TEC: variants seen among roughly 807,000 people sequenced by gnomAD.
The protein encoded by TEC is tec protein tyrosine kinase.
Under a neutral mutation model 93.0 loss-of-function variants are expected in TEC, and 72 were observed. The ratio of observed to expected loss-of-function variants is 0.77; its 90% CI spans 0.64 to 0.94. The LOEUF is 0.94. Among genes scored for constraint, TEC ranks in the 40% least tolerant of loss-of-function variants. The probability of loss-of-function intolerance (pLI) is 0.00; values close to 1 mark genes in which losing one functional copy is unlikely to be tolerated. For missense variants in TEC, 630 were observed against 757.9 expected (o/e 0.83, Z 1.98); for synonymous variants, 249 against 247.7 (o/e 1.01, Z -0.05).
intron 14 of TEC, among the ~76,000 whole-genome samples, chr4:48,141,869 G>A (rs1319712581): frequency 6.6e-6 from 1 of 151,758 alleles, no homozygotes; most frequent in Non-Finnish European, 1.5e-5. Context: ...TTGTTGGCCA[G>A]GCTGGTCTTG....
At chr4:48,166,698 CA>C (rs985629307) in intron 7 of TEC, among the ~76,000 whole-genome samples, 116 of 147,318 alleles carry the variant, frequency 7.9e-4, no homozygotes, top group African/African-American at 2.4e-3. Flanking sequence ...ATTTCTACAA[CA>C]AAAAAAAATT....
Position 48,137,297 on chromosome 4 carries a change from T to TACA in TEC, c.*118_*119insTGT, listed in dbSNP as rs1719465764. 1.4e-6 allele frequency: 1 copy of TACA among 740,412 alleles called. No homozygotes were observed. Among genetic ancestry groups the TACA allele is most frequent in the African/African-American group, 1.8e-5 (1 of 56,110 alleles). 45.9% of individuals were successfully genotyped at this position (740,412 alleles called of 1,614,324 possible). ...GGCTGGTCTAGAAGCAAATTATTTATGTGTTTCCACTGTATAAGTAAAATG... is the reference window on the plus strand; with the variant it reads ...GGCTGGTCTAGAAGCAAATTATTTATACAGTGTTTCCACTGTATAAGTAAAATG... On this transcript the variant is annotated 3_prime_UTR_variant, in exon 18 of 18. Coordinates refer to ENST00000381501, the MANE Select transcript of TEC (RefSeq NM_003215.3).
rs200768164 is a variant in TEC at position 48,208,952 on chromosome 4, G to A, written c.138+19525C>T. ...GGGTGCCTTCCAAGTTAGATAGGCT[G>A]GGTTTGAATTCAATTATCCCACCGT... is the stretch of plus-strand genomic sequence containing the variant. On this transcript the variant is annotated intron_variant, in intron 2 of 17. Coordinates refer to ENST00000381501, the MANE Select transcript of TEC (RefSeq NM_003215.3). Among the ~76,000 whole-genome samples the A allele has an allele frequency of 9.2e-5, 14 of 152,270 alleles. No homozygotes were observed. In the East Asian group the frequency reaches 2.3e-3, roughly 25 times the overall value.
At chr4:48,256,458 T>C (rs1724347728) in intron 1 of TEC, among the ~76,000 whole-genome samples, 1 of 151,128 alleles carries the variant, frequency 6.6e-6, no homozygotes, top group Non-Finnish European at 1.5e-5. Flanking sequence ...CCAGGAGTGA[T>C]GGTGCCTGCC....
intron 1 of TEC, among the ~76,000 whole-genome samples, chr4:48,240,977 C>G (rs752581685): frequency 1.3e-5 from 2 of 151,808 alleles, no homozygotes; most frequent in Non-Finnish European, 2.9e-5. Flanking sequence ...CTGTTAAAAA[C>G]ACTAATTTGA....
In TEC at chr4:48,228,649, A is replaced by G; in HGVS notation, c.-35T>C. ...CTGATTACTCCTCCTGCCACTGAAGATCCCAGTATTCTACAGTGAAAAAAG... is the reference window on the plus strand; with the variant it reads ...CTGATTACTCCTCCTGCCACTGAAGGTCCCAGTATTCTACAGTGAAAAAAG... On this transcript the variant is annotated 5_prime_UTR_variant, in exon 2 of 18. Transcript: ENST00000381501. The G allele has an allele frequency of 6.2e-7, 1 of 1,601,030 alleles. No homozygotes were observed. The highest frequency in any genetic ancestry group is 1.4e-5 in the African/African-American group (1 of 74,058).
chr4:48,187,140 G>A (rs1053214208), intron 2 of TEC, among the ~76,000 whole-genome samples: 1 of 151,474 alleles, frequency 6.6e-6, no homozygotes, highest in African/African-American at 2.4e-5. Context: ...CCCCCAACCC[G>A]GTGCTCTCTG....
chr4:48,143,421 T>G (rs1214389043), intron 14 of TEC, among the ~76,000 whole-genome samples: 1 of 152,236 alleles, frequency 6.6e-6, no homozygotes, highest in Non-Finnish European at 1.5e-5. Flanking sequence ...TAGTTCTTAG[T>G]TCACAAGTTT....
intron 1 of TEC, among the ~76,000 whole-genome samples, chr4:48,250,807 CCCAG>C (rs1255170975): frequency 2.0e-5 from 3 of 152,174 alleles, no homozygotes; most frequent in African/African-American, 7.2e-5. Flanking sequence ...CATGGGCAAG[CCCAG>C]TTAAGATCAA....
chr4:48,197,229 A>G (rs541690563), intron 2 of TEC, among the ~76,000 whole-genome samples: 1 of 152,358 alleles, frequency 6.6e-6, no homozygotes, highest in Admixed American at 6.5e-5. Flanking sequence ...ACAATGGTTC[A>G]GAGCTCTGGG....
At chr4:48,179,338 G>GTATATATATATATATATA (rs61241595) in intron 2 of TEC, among the ~76,000 whole-genome samples, 1 of 51,660 alleles carries the variant, frequency 1.9e-5, no homozygotes, top group African/African-American at 9.5e-5. Flanking sequence ...GACGTGGGTA[G>GTATATATATATATATATA]TATATATATA....
In TEC at chr4:48,139,036, C is replaced by T; in HGVS notation, c.1536-14G>A. On this transcript the variant is annotated splice_polypyrimidine_tract_variant and intron_variant, in intron 15 of 17. Transcript: ENST00000381501. ...TCCAGAACATACCTAGAGTAAGACA[C>T]ACCATGGGTTTACACCTCTGAAGAA... is the stretch of plus-strand genomic sequence containing the variant. 1.3e-6 allele frequency: 2 copies of T among 1,596,530 alleles called. No individual in the cohort carries two copies. Among genetic ancestry groups the T allele is most frequent in the Middle Eastern group, 1.7e-4 (1 of 6,026 alleles).
intron 15 of TEC, 37 bp downstream of exon 15, chr4:48,141,318 G>T: frequency 6.3e-7 from 1 of 1,580,634 alleles, no homozygotes; most frequent in Non-Finnish European, 8.7e-7. Context: ...CCAAAAAAAT[G>T]CAAACATCAC....
intron 2 of TEC, among the ~76,000 whole-genome samples, chr4:48,179,359 TATATATATATATATATA>T (rs1201463677): frequency 1.4e-3 from 60 of 42,310 alleles, no homozygotes; most frequent in African/African-American, 3.2e-3. Context: ...TATATATATA[TATATATATATATATATA>T]TTTTTTTTTT....
In TEC at chr4:48,145,419, A is replaced by C. The variant is rs766068079; in HGVS notation, c.1242T>G (p.Ala414=). The part of the protein sequence containing the change: ...AMCEEDFIEE[A]KVMMKLTHPK... ...TGATAGCAACTTACATCATCACTTT[A>C]GCTTCTTCTATAAAGTCCTCCTCGC... The change falls in exon 13 of 18, where the codon GCT becomes GCG. Residue 414 remains alanine, a synonymous_variant. Transcript: ENST00000381501. 1.4e-5 allele frequency: 23 copies of C among 1,614,054 alleles called. No homozygotes were observed. Among genetic ancestry groups the C allele is most frequent in the Non-Finnish European group, 1.7e-6 (2 of 1,180,042 alleles).
chr4:48,185,929 C>T (rs181273993), intron 2 of TEC, among the ~76,000 whole-genome samples: 2 of 152,124 alleles, frequency 1.3e-5, no homozygotes, highest in South Asian at 2.1e-4. Flanking sequence ...ACTGTACTGC[C>T]GCCATCTCGG....
At chr4:48,170,999 C>T (rs541880816) in intron 4 of TEC, among the ~76,000 whole-genome samples, 2 of 151,556 alleles carry the variant, frequency 1.3e-5, no homozygotes, top group East Asian at 3.9e-4. Context: ...TGCAGTGAGC[C>T]GAGATCACAC....
At chr4:48,221,385 T>C (rs1173615074) in intron 2 of TEC, among the ~76,000 whole-genome samples, 1 of 152,164 alleles carries the variant, frequency 6.6e-6, no homozygotes, top group African/African-American at 2.4e-5. Flanking sequence ...AAGGGGCTTT[T>C]CCCGCTTTGC....
intron 2 of TEC, among the ~76,000 whole-genome samples, chr4:48,212,110 A>AAAAAAAATATAT: frequency 5.7e-5 from 7 of 122,264 alleles, no homozygotes; most frequent in African/African-American, 1.8e-4. Context: ...AAAAAAAAAA[A>AAAAAAAATATAT]ATATATATAT....
Sources: allele counts gnomAD v4.1 joint callset (sites outside exome capture counted in the v4.1 genomes callset), GRCh38; gene constraint gnomAD v4.1.1; transcripts MANE v1.5; gene names NCBI Gene and HGNC (gene_info 2026-07-23, HGNC 2026-07-21).